HDAC9: variants seen among roughly 807,000 people sequenced by gnomAD.
HDAC9 encodes histone deacetylase 9.
HDAC9 carries 41 observed loss-of-function variants against 139.4 expected under a neutral mutation model. The ratio of observed to expected loss-of-function variants is 0.29; its 90% CI spans 0.23 to 0.38. HDAC9 has a LOEUF of 0.38. HDAC9 is among the 10% of genes least tolerant of loss of function. The probability of loss-of-function intolerance (pLI) is 1.00; values close to 1 mark genes in which losing one functional copy is unlikely to be tolerated. For missense variants in HDAC9, 1,147 were observed against 1,297.0 expected (o/e 0.88, Z 1.78); for synonymous variants, 517 against 476.2 (o/e 1.09, Z -1.12).
chr7:18,306,259 C>A (rs938991930), intron 1 of HDAC9, among the ~76,000 whole-genome samples: 2 of 152,164 alleles, frequency 1.3e-5, no homozygotes, highest in African/African-American at 2.4e-5. Flanking sequence ...GTGGGTAGGA[C>A]TCAGACTATG....
At chr7:18,814,657 G>T (rs1292753963) in intron 17 of HDAC9, among the ~76,000 whole-genome samples, 2 of 152,004 alleles carry the variant, frequency 1.3e-5, no homozygotes, top group African/African-American at 4.8e-5. Flanking sequence ...TATATATAAT[G>T]CTATTATGTA....
chr7:18,316,375 G>A (rs1465861864), intron 1 of HDAC9, among the ~76,000 whole-genome samples: 1 of 152,022 alleles, frequency 6.6e-6, no homozygotes, highest in Non-Finnish European at 1.5e-5. Context: ...TACATATAAT[G>A]TATAAGTATT....
At chr7:18,329,218 T>C (rs1230426702) in intron 1 of HDAC9, among the ~76,000 whole-genome samples, 1 of 151,750 alleles carries the variant, frequency 6.6e-6, no homozygotes, top group African/African-American at 2.4e-5. Context: ...AAAGTTTTGT[T>C]CATTTTTATC....
intron 24 of HDAC9, among the ~76,000 whole-genome samples, chr7:18,972,866 G>T (rs937092550): frequency 6.6e-6 from 1 of 152,190 alleles, no homozygotes; most frequent in Non-Finnish European, 1.5e-5. Context: ...TAGAAAATGT[G>T]TGTCAACTGA....
intron 2 of HDAC9, among the ~76,000 whole-genome samples, chr7:18,510,977 A>T (rs1404642110): frequency 6.6e-6 from 1 of 152,188 alleles, no homozygotes; most frequent in African/African-American, 2.4e-5. Context: ...TTCGTTGATA[A>T]TAGATGTGTG....
intron 17 of HDAC9, among the ~76,000 whole-genome samples, chr7:18,815,336 CT>C (rs1179421874): frequency 1.3e-5 from 2 of 151,700 alleles, no homozygotes; most frequent in African/African-American, 4.9e-5. Flanking sequence ...ATTGTTGGGC[CT>C]TATGTCAAAT....
chr7:18,369,712 G>A (rs961804789), intron 1 of HDAC9, among the ~76,000 whole-genome samples: 2 of 152,026 alleles, frequency 1.3e-5, no homozygotes, highest in African/African-American at 4.8e-5. Flanking sequence ...GTCAGAAACA[G>A]TGTTTCAAGG....
intron 25 of HDAC9, among the ~76,000 whole-genome samples, chr7:18,979,371 A>G (rs1784751475): frequency 6.6e-6 from 1 of 152,164 alleles, no homozygotes; most frequent in African/African-American, 2.4e-5. Flanking sequence ...TGTACTTAGA[A>G]ACATGATTTT....
At chr7:18,976,311 TTTTC>T (rs1784548251) in intron 25 of HDAC9, among the ~76,000 whole-genome samples, 2 of 152,216 alleles carry the variant, frequency 1.3e-5, no homozygotes, top group Non-Finnish European at 2.9e-5. Flanking sequence ...CAGATGTTCT[TTTTC>T]TTTCTCTAAT....
At chr7:18,931,187 A>AT (rs1804710090) in intron 22 of HDAC9, among the ~76,000 whole-genome samples, 1 of 152,138 alleles carries the variant, frequency 6.6e-6, no homozygotes, top group Admixed American at 6.5e-5. Context: ...AATGGTACTA[A>AT]TTACTATGTG....
At chr7:18,123,087 C>T (rs563622472) in intron 1 of HDAC9, among the ~76,000 whole-genome samples, 1 of 152,204 alleles carries the variant, frequency 6.6e-6, no homozygotes, top group South Asian at 2.1e-4. Flanking sequence ...ATAAATAGCC[C>T]AATACCTATT....
chr7:19,000,593 C>T lies in HDAC9; in HGVS notation c.*4531C>T, dbSNP rs1786702459. ...TTAAATACAATTAAGTCCGTTATTA[C>T]TATGCTGGAAATAACTAGGTCAGAC... On this transcript the variant is annotated 3_prime_UTR_variant, in exon 26 of 26. Coordinates refer to ENST00000686413, the MANE Select transcript of HDAC9 (RefSeq NM_178425.4). 2 of 152,180 alleles carry T rather than the reference C, an allele frequency of 1.3e-5. No individual in the cohort carries two copies. Among genetic ancestry groups the T allele is most frequent in the Admixed American group, 6.5e-5 (1 of 15,276 alleles). The allele number at this position is 152,180 out of a possible 1,614,324, so 9.4% of individuals were successfully genotyped here.
chr7:18,092,259 G>A (rs1249882961), intron 1 of HDAC9, among the ~76,000 whole-genome samples: 1 of 152,156 alleles, frequency 6.6e-6, no homozygotes, highest in African/African-American at 2.4e-5. Flanking sequence ...ACGTGATGGT[G>A]TGTGCCTGAA....
chr7:18,468,150 T>C (rs1478537798), intron 1 of HDAC9, among the ~76,000 whole-genome samples: 2 of 152,158 alleles, frequency 1.3e-5, no homozygotes, highest in Non-Finnish European at 1.5e-5. Context: ...TCTTTAAAGT[T>C]ACTTTTTTCT....
chr7:18,831,536 T>G (rs949415855), intron 19 of HDAC9, among the ~76,000 whole-genome samples: 2 of 152,062 alleles, frequency 1.3e-5, no homozygotes, highest in Non-Finnish European at 2.9e-5. Flanking sequence ...AGACGAGAAG[T>G]TTTTGTTTCA....
At chr7:18,379,229 A>T (rs1308360615) in intron 1 of HDAC9, among the ~76,000 whole-genome samples, 1 of 152,218 alleles carries the variant, frequency 6.6e-6, no homozygotes, top group Non-Finnish European at 1.5e-5. Context: ...GGTTATATTG[A>T]TTCTTAGATA....
At chr7:18,334,787 G>A (rs868827390) in intron 1 of HDAC9, among the ~76,000 whole-genome samples, 8 of 151,482 alleles carry the variant, frequency 5.3e-5, no homozygotes, top group Admixed American at 1.3e-4. Context: ...GTTCAGGTTC[G>A]ATGTCTATAA....
At chr7:18,769,115 G>A (rs979070885) in intron 16 of HDAC9, among the ~76,000 whole-genome samples, 5 of 152,128 alleles carry the variant, frequency 3.3e-5, no homozygotes, top group South Asian at 2.1e-4. Flanking sequence ...AAGAGCATCT[G>A]TATATTTAAT....
At position 18,847,590 on chromosome 7, in the gene HDAC9, T is replaced by G. The variant is rs148659590; in HGVS notation, c.2684+11593T>G. ...GAGGAATAAAGACGCCTCAGGAGAC[T>G]CTACAAAATTAAATCCCAGCTTCTA... On this transcript the variant is annotated intron_variant, in intron 21 of 25. Coordinates refer to ENST00000686413, the MANE Select transcript of HDAC9 (RefSeq NM_178425.4). Among the ~76,000 whole-genome samples, 4 of 152,310 alleles carry G rather than the reference T, an allele frequency of 2.6e-5. No homozygotes were observed. In the East Asian group the frequency reaches 7.7e-4, roughly 29 times the overall value.
Sources: gnomAD v4.1 joint callset for allele counts (sites outside exome capture counted in the v4.1 genomes callset) on GRCh38, gnomAD v4.1.1 for gene constraint, MANE v1.5 for transcripts, NCBI Gene and HGNC (gene_info 2026-07-23, HGNC 2026-07-21) for gene names.